ARPP21: variants seen among roughly 807,000 people sequenced by gnomAD.
ARPP21 encodes the protein cAMP-regulated phosphoprotein 21.
ARPP21 carries 69 observed loss-of-function variants against 113.2 expected under a neutral mutation model. The observed-to-expected ratio is 0.61, with a 90% CI of 0.50 to 0.74. The LOEUF is 0.74. ARPP21 is among the 30% of genes least tolerant of loss of function. The probability of loss-of-function intolerance (pLI) is 0.00; values close to 1 mark genes in which losing one functional copy is unlikely to be tolerated. For missense variants in ARPP21, 1,070 were observed against 1,037.4 expected (o/e 1.03, Z -0.43); for synonymous variants, 368 against 375.5 (o/e 0.98, Z 0.23).
chr3:35,684,590 C>T, intron 5 of ARPP21: 1 of 985,272 alleles, frequency 1.0e-6, no homozygotes, highest in Non-Finnish European at 1.2e-6. Context: ...AGGCTGGGTG[C>T]AGTCAAGACA....
Position 35,721,625 on chromosome 3 carries a change from G to A in ARPP21, c.1016G>A (p.Gly339Glu). 5 of 1,611,364 alleles carry A rather than the reference G, an allele frequency of 3.1e-6. No individual in the cohort carries two copies. The highest frequency in any genetic ancestry group is 4.2e-6 in the Non-Finnish European group (5 of 1,177,678). Reference protein sequence around the residue: ...QLFRGNRDGSGRTSGSRQSSS... With the variant: ...QLFRGNRDGSERTSGSRQSSS... ...TCCAGGGGCAACAGAGATGGCTCAG[G>A]GAGAACATCTGGGAGTCGACAGAGC... The change falls in exon 14 of 21, where the codon GGG (glycine) becomes GAG (glutamate). Residue 339 changes from glycine to glutamate, a missense_variant. Coordinates refer to ENST00000684406, the MANE Select transcript of ARPP21 (RefSeq NM_001385562.1).
intron 13 of ARPP21, among the ~76,000 whole-genome samples, chr3:35,718,825 A>G (rs1238064824): frequency 6.6e-6 from 1 of 151,634 alleles, no homozygotes; most frequent in Non-Finnish European, 1.5e-5. Context: ...TACTTACAAG[A>G]GGGCCCAGCT....
chr3:35,766,437 A>C (rs2151420043), intron 19 of ARPP21, among the ~76,000 whole-genome samples: 1 of 152,316 alleles, frequency 6.6e-6, no homozygotes. Context: ...GAATGAAATA[A>C]TCAGGTGCTA....
chr3:35,768,368 A>G (rs1559906115), intron 19 of ARPP21, among the ~76,000 whole-genome samples: 1 of 152,136 alleles, frequency 6.6e-6, no homozygotes, highest in Non-Finnish European at 1.5e-5. Context: ...AAGGAGGCCT[A>G]TCATTTGGAA....
At chr3:35,744,745 G>A (rs2084377) in intron 19 of ARPP21, among the ~76,000 whole-genome samples, 5 of 152,160 alleles carry the variant, frequency 3.3e-5, no homozygotes, top group South Asian at 2.1e-4. Context: ...TAAAGAGCAC[G>A]TGCTCCTTGC....
In ARPP21 at chr3:35,738,228, G is replaced by A. The variant is rs1457266912; in HGVS notation, c.1659G>A (p.Leu553=). ...CTTTCCTCCAGTCTGTCCAGGGGCT[G>A]CAGGCTTCCTCCCAGTCAGTGCAAT... ...GPLVTQSVQG[L]QASSQSVQYP... The change falls in exon 17 of 21, where the codon CTG becomes CTA. Residue 553 remains leucine, a synonymous_variant. Transcript: ENST00000684406. 50 of 1,535,370 alleles carry A rather than the reference G, an allele frequency of 3.3e-5. No homozygotes were observed. The highest frequency in any genetic ancestry group is 2.4e-5 in the Non-Finnish European group (28 of 1,146,016).
intron 12 of ARPP21, among the ~76,000 whole-genome samples, chr3:35,716,873 A>C (rs1172720917): frequency 6.6e-6 from 1 of 152,064 alleles, no homozygotes; most frequent in African/African-American, 2.4e-5. Flanking sequence ...TGGTCCTGGA[A>C]ACCAAAAATC....
intron 18 of ARPP21, among the ~76,000 whole-genome samples, chr3:35,743,356 T>C (rs2094795831): frequency 6.6e-6 from 1 of 152,232 alleles, no homozygotes; most frequent in Non-Finnish European, 1.5e-5. Flanking sequence ...AGGTCAGCAA[T>C]TGAGCAGGAT....
At chr3:35,763,573 T>G (rs1019146393) in intron 19 of ARPP21, among the ~76,000 whole-genome samples, 1 of 152,070 alleles carries the variant, frequency 6.6e-6, no homozygotes, top group African/African-American at 2.4e-5. Context: ...TGGAACCACA[T>G]GGAGCTTGGA....
intron 18 of ARPP21, among the ~76,000 whole-genome samples, chr3:35,740,340 G>A (rs564613372): frequency 8.5e-5 from 13 of 152,244 alleles, no homozygotes; most frequent in Middle Eastern, 3.4e-3. Context: ...AAGGCACACC[G>A]ATCCCAAGAA....
At chr3:35,671,971 CT>C (rs1490149595) in intron 1 of ARPP21, among the ~76,000 whole-genome samples, 1 of 152,020 alleles carries the variant, frequency 6.6e-6, no homozygotes, top group Non-Finnish European at 1.5e-5. Flanking sequence ...CAGCACTCTC[CT>C]TTTATCTTTA....
intron 19 of ARPP21, among the ~76,000 whole-genome samples, chr3:35,745,472 G>A (rs768888308): frequency 1.3e-5 from 2 of 152,166 alleles, no homozygotes; most frequent in African/African-American, 2.4e-5. Context: ...ATTTTTATTA[G>A]GTTTGGTGCC....
chr3:35,688,449 C>T (rs1295452187), intron 6 of ARPP21, among the ~76,000 whole-genome samples: 1 of 151,538 alleles, frequency 6.6e-6, no homozygotes, highest in African/African-American at 2.4e-5. Flanking sequence ...AATCACTGTG[C>T]AAAAAGTCAT....
At chr3:35,757,838 C>T (rs1053683956) in intron 19 of ARPP21, among the ~76,000 whole-genome samples, 1 of 152,016 alleles carries the variant, frequency 6.6e-6, no homozygotes, top group African/African-American at 2.4e-5. Flanking sequence ...ATTCAAAACT[C>T]ATTATTTTAC....
intron 18 of ARPP21, among the ~76,000 whole-genome samples, chr3:35,741,448 T>C (rs559628157): frequency 6.6e-6 from 1 of 152,302 alleles, no homozygotes; most frequent in South Asian, 2.1e-4. Context: ...AATAACTTAG[T>C]TCAGATTCAG....
At chr3:35,768,234 C>T (rs958385406) in intron 19 of ARPP21, among the ~76,000 whole-genome samples, 2 of 151,622 alleles carry the variant, frequency 1.3e-5, no homozygotes, top group Non-Finnish European at 2.9e-5. Context: ...TTTCCCCTTC[C>T]CATTTCCTCT....
At chr3:35,680,771 C>T (rs1405552088) in intron 2 of ARPP21, 1 of 150,690 alleles carries the variant, frequency 6.6e-6, no homozygotes, top group African/African-American at 2.4e-5. Context: ...CCTCTTCCTT[C>T]CTCCTCCTCC....
At position 35,737,078 on chromosome 3, in the gene ARPP21, C is replaced by T. The variant is rs187258467; in HGVS notation, c.1460-100C>T. Reference sequence around the variant, plus strand: ...GTCTTAGATTTCCACTGCCCTGCCCCTTTACTTTAGGTTACTTTTTGAGTA... The same window carrying T: ...GTCTTAGATTTCCACTGCCCTGCCCTTTTACTTTAGGTTACTTTTTGAGTA... On this transcript the variant is annotated intron_variant, in intron 15 of 20. Transcript: ENST00000684406. 4 of 721,554 alleles carry T rather than the reference C, an allele frequency of 5.5e-6. No individual in the cohort carries two copies. In the East Asian group the frequency reaches 7.7e-5, roughly 14 times the overall value. 44.7% of individuals were successfully genotyped at this position (721,554 alleles called of 1,614,324 possible). A position where few individuals can be genotyped will look rare whatever the true frequency, so the allele number is the denominator to read the frequency against.
chr3:35,716,228 C>T (rs1456603360), intron 12 of ARPP21, among the ~76,000 whole-genome samples: 3 of 152,038 alleles, frequency 2.0e-5, no homozygotes, highest in Non-Finnish European at 4.4e-5. Context: ...GCACTAATCA[C>T]ATTTAAGAGG....
Sources: allele counts gnomAD v4.1 joint callset (sites outside exome capture counted in the v4.1 genomes callset), GRCh38; gene constraint gnomAD v4.1.1; transcripts MANE v1.5; gene names NCBI Gene and HGNC (gene_info 2026-07-23, HGNC 2026-07-21).